XPO1: variants seen among roughly 807,000 people sequenced by gnomAD.
XPO1 encodes the protein exportin 1, also known as exportin-1.
A neutral mutation model predicts 133.3 loss-of-function variants in XPO1; 5 were observed. The ratio of observed to expected loss-of-function variants is 0.04; its 90% CI spans 0.02 to 0.08. XPO1 has a LOEUF of 0.08. Among genes scored for constraint, XPO1 ranks in the 10% least tolerant of loss-of-function variants. The pLI is 1.00. For synonymous variants in XPO1, 419 were observed against 408.2 expected (o/e 1.03, Z -0.32); for missense variants, 506 against 1,267.5 (o/e 0.40, Z 9.12).
intron 4 of XPO1, among the ~76,000 whole-genome samples, chr2:61,520,127 T>C (rs542517917): frequency 2.0e-5 from 3 of 152,154 alleles, no homozygotes; most frequent in Non-Finnish European, 4.4e-5. Flanking sequence ...CAAATATATA[T>C]GCTATGGTAG....
At chr2:61,495,680 T>C (rs1697209625) in intron 10 of XPO1, 67 bp from the exon 11 acceptor site, 1 of 1,402,894 alleles carries the variant, frequency 7.1e-7, no homozygotes, top group Non-Finnish European at 9.4e-7. Context: ...TAATATTTTA[T>C]TATTATTTTT....
At chr2:61,480,527 C>CA (rs1229679917) in intron 24 of XPO1, 1 of 149,478 alleles carries the variant, frequency 6.7e-6, no homozygotes, top group Admixed American at 6.7e-5. Flanking sequence ...GTGACCCACC[C>CA]ACCTTGGCCT....
chr2:61,479,572 C>G (rs1349474354), intron 24 of XPO1, among the ~76,000 whole-genome samples: 1 of 152,168 alleles, frequency 6.6e-6, no homozygotes, highest in African/African-American at 2.4e-5. Flanking sequence ...AGTATATACA[C>G]CTACTATGTA....
Position 61,478,794 on chromosome 2 carries a change from G to A in XPO1, c.*26C>T. 4 of 1,608,064 alleles carry A rather than the reference G, an allele frequency of 2.5e-6. No homozygotes were observed. The highest frequency in any genetic ancestry group is 1.7e-4 in the Middle Eastern group (1 of 6,046). Reference sequence around the variant, plus strand: ...TTTTCCTCTGCTAACGAGTTGCAGAGAAAAAAAACAGCATGAATTTGGATT... The same window carrying A: ...TTTTCCTCTGCTAACGAGTTGCAGAAAAAAAAAACAGCATGAATTTGGATT... On this transcript the variant is annotated 3_prime_UTR_variant, in exon 25 of 25. Coordinates refer to ENST00000401558, the MANE Select transcript of XPO1 (RefSeq NM_003400.4).
At chr2:61,515,937 C>CCACACACACA (rs35237510) in intron 4 of XPO1, among the ~76,000 whole-genome samples, 245 of 110,774 alleles carry the variant, frequency 2.2e-3, no homozygotes, top group African/African-American at 8.5e-3. Flanking sequence ...AAAAAAAAAA[C>CCACACACACA]CACACACACA....
chr2:61,530,020 GAAT>G (rs1394169634), intron 2 of XPO1, among the ~76,000 whole-genome samples: 1 of 152,214 alleles, frequency 6.6e-6, no homozygotes, highest in Non-Finnish European at 1.5e-5. Context: ...AAGGCCGAAA[GAAT>G]AATGATGTGG....
chr2:61,502,069 G>C, intron 5 of XPO1, 29 bp from the exon 6 acceptor site: 2 of 1,579,238 alleles, frequency 1.3e-6, no homozygotes, highest in Non-Finnish European at 1.7e-6. Flanking sequence ...TTAAATGAGA[G>C]CCTGAGGTAA....
At chr2:61,505,756 A>G (rs889092320) in intron 4 of XPO1, among the ~76,000 whole-genome samples, 8 of 151,880 alleles carry the variant, frequency 5.3e-5, no homozygotes, top group African/African-American at 1.7e-4. Context: ...ATGGGGTTTC[A>G]CCATTTTGGC....
intron 11 of XPO1, 123 bp downstream of exon 11, chr2:61,495,332 G>A (rs1458594897): frequency 1.4e-6 from 1 of 715,404 alleles, no homozygotes; most frequent in African/African-American, 1.8e-5. Context: ...TATATATAAT[G>A]TACTGATCAA....
At chr2:61,530,753 CTT>C (rs1304326545) in intron 2 of XPO1, among the ~76,000 whole-genome samples, 2 of 149,956 alleles carry the variant, frequency 1.3e-5, no homozygotes, top group Admixed American at 1.3e-4. Flanking sequence ...CTACCTACAG[CTT>C]TTTTTCCCAG....
rs72815583 is a variant in XPO1, at chr2:61,492,240, A to G, written c.1724-42T>C. The G allele has an allele frequency of 4.8e-4, 773 of 1,603,938 alleles. No homozygotes were observed. Among genetic ancestry groups the G allele is most frequent in the Non-Finnish European group, 6.3e-4 (738 of 1,176,388 alleles). ...ATTCATTTATTTTGTCCTGGACTCCATCATGGGTCTCTAACAAGACAAAAA... is the reference window on the plus strand; with the variant it reads ...ATTCATTTATTTTGTCCTGGACTCCGTCATGGGTCTCTAACAAGACAAAAA... On this transcript the variant is annotated intron_variant, in intron 15 of 24. Coordinates refer to ENST00000401558, the MANE Select transcript of XPO1 (RefSeq NM_003400.4). This position sits in a 1 kb window ranked among gnomAD's most constrained non-coding sequence, Gnocchi z 5.6.
In XPO1 at chr2:61,493,199, G is replaced by A. The variant is rs74793114; in HGVS notation, c.1246-146C>T. 4.3e-4 allele frequency: 322 copies of A among 746,648 alleles called. 2 individuals are homozygous for A. The East Asian group carries it at 6.4e-3, about 15-fold the overall frequency. The allele number at this position is 746,648 out of a possible 1,614,324, so 46.3% of individuals were successfully genotyped here. ...TCATGCCTATAATTCCAACTATTCCGGAGGGCCGAGGCAAAAAGAACTGTT... is the reference window on the plus strand; with the variant it reads ...TCATGCCTATAATTCCAACTATTCCAGAGGGCCGAGGCAAAAAGAACTGTT... On this transcript the variant is annotated intron_variant, in intron 12 of 24. Transcript: ENST00000401558.
chr2:61,505,809 C>T (rs920388227), intron 4 of XPO1, among the ~76,000 whole-genome samples: 13 of 152,104 alleles, frequency 8.5e-5, no homozygotes, highest in African/African-American at 3.1e-4. Context: ...CCGCCCACCT[C>T]GGCCTCCCGA....
intron 4 of XPO1, 175 bp from the exon 5 acceptor site, chr2:61,502,485 C>G: frequency 1.8e-6 from 1 of 567,552 alleles, no homozygotes; most frequent in East Asian, 3.3e-5. Context: ...TGCGGTGGCT[C>G]ACGCTTGTAA....
At chr2:61,506,717 T>A (rs181064453) in intron 4 of XPO1, among the ~76,000 whole-genome samples, 13 of 145,574 alleles carry the variant, frequency 8.9e-5, no homozygotes, top group South Asian at 2.3e-4. Context: ...AAATAAATAA[T>A]TAGCAATGAT....
At chr2:61,499,131 T>C (rs1351188964) in intron 7 of XPO1, among the ~76,000 whole-genome samples, 3 of 152,282 alleles carry the variant, frequency 2.0e-5, no homozygotes, top group African/African-American at 7.2e-5. Flanking sequence ...GTTTAAAACT[T>C]AATGGAAGTA....
intron 2 of XPO1, 89 bp from the exon 3 acceptor site, chr2:61,526,610 T>C (rs1358064666): frequency 1.1e-6 from 1 of 930,218 alleles, no homozygotes; most frequent in Non-Finnish European, 1.5e-6. Context: ...AAGGCACAAA[T>C]TCTAATTGGA....
intron 16 of XPO1, among the ~76,000 whole-genome samples, 162 bp from the exon 17 acceptor site, chr2:61,490,938 T>C (rs544065513): frequency 6.6e-6 from 1 of 152,188 alleles, no homozygotes; most frequent in Non-Finnish European, 1.5e-5. Flanking sequence ...GCCAATCACT[T>C]GTGGTCAGGA....
chr2:61,481,450 T>A (rs1399085700), intron 23 of XPO1, among the ~76,000 whole-genome samples, 169 bp from the exon 24 acceptor site: 1 of 151,960 alleles, frequency 6.6e-6, no homozygotes, highest in African/African-American at 2.4e-5. Context: ...GTTTTTTTTT[T>A]TTAATCAAGA....
Sources: allele counts gnomAD v4.1 joint callset (sites outside exome capture counted in the v4.1 genomes callset), GRCh38; gene constraint gnomAD v4.1.1; non-coding constraint Gnocchi (gnomAD v3.1); transcripts MANE v1.5; gene names NCBI Gene and HGNC (gene_info 2026-07-23, HGNC 2026-07-21).